TAFA1: variants seen among roughly 807,000 people sequenced by gnomAD.
TAFA1 encodes TAFA chemokine like family member 1, also known as chemokine-like protein TAFA-1.
In TAFA1, 4 loss-of-function variants were observed where a neutral mutation model predicts 18.5. The ratio of observed to expected loss-of-function variants is 0.22; its 90% CI spans 0.11 to 0.49. TAFA1 has a LOEUF of 0.49. Among genes scored for constraint, TAFA1 ranks in the 20% least tolerant of loss-of-function variants. The pLI is 0.98. For missense variants in TAFA1, 147 were observed against 169.0 expected (o/e 0.87, Z 0.72); for synonymous variants, 56 against 55.2 (o/e 1.01, Z -0.06).
At chr3:68,189,995 C>A (rs796085328) in intron 2 of TAFA1, among the ~76,000 whole-genome samples, 13 of 151,942 alleles carry the variant, frequency 8.6e-5, no homozygotes, top group African/African-American at 3.1e-4. Context: ...AGCTGGCAAG[C>A]CTCATAGATA....
At chr3:68,320,821 C>T (rs1268882866) in intron 2 of TAFA1, among the ~76,000 whole-genome samples, 1 of 152,160 alleles carries the variant, frequency 6.6e-6, no homozygotes, top group Admixed American at 6.5e-5. Flanking sequence ...GAATAGGCTG[C>T]ACCCCAGAGG....
intron 3 of TAFA1, among the ~76,000 whole-genome samples, chr3:68,491,118 C>T (rs1338541596): frequency 6.6e-6 from 1 of 152,174 alleles, no homozygotes; most frequent in Non-Finnish European, 1.5e-5. Context: ...GGATTACAGG[C>T]ATGACCCACT....
chr3:68,023,114 A>G (rs772354752), intron 2 of TAFA1, among the ~76,000 whole-genome samples: 2 of 151,944 alleles, frequency 1.3e-5, no homozygotes, highest in Non-Finnish European at 2.9e-5. Flanking sequence ...GTTATAGACT[A>G]CAACACAGAA....
At position 68,219,913 on chromosome 3, in the gene TAFA1, G is replaced by T. The variant is rs113094417; in HGVS notation, c.119-197367G>T. ...GTTATATGTTTGCAGATTATAGTTAGTTGCCAGAAAAAAATAGGAGACCTT... is the reference window on the plus strand; with the variant it reads ...GTTATATGTTTGCAGATTATAGTTATTTGCCAGAAAAAAATAGGAGACCTT... On this transcript the variant is annotated intron_variant, in intron 2 of 4. Coordinates refer to ENST00000478136, the MANE Select transcript of TAFA1 (RefSeq NM_213609.4). Among the ~76,000 whole-genome samples the T allele has an allele frequency of 4.2e-3, 644 of 152,142 alleles. 2 individuals carry two copies. The highest frequency in any genetic ancestry group is 0.015 in the African/African-American group (619 of 41,532).
intron 2 of TAFA1, among the ~76,000 whole-genome samples, chr3:68,303,155 TA>T (rs140554546): frequency 0.074 from 11,302 of 152,228 alleles, 704 homozygotes; most frequent in East Asian, 0.38. Context: ...AAAGTACTTT[TA>T]CTGTATAAAA....
intron 2 of TAFA1, among the ~76,000 whole-genome samples, chr3:68,365,349 T>C (rs980080966): frequency 2.0e-5 from 3 of 152,158 alleles, no homozygotes; most frequent in South Asian, 4.1e-4. Context: ...GGAATCAATA[T>C]TGGTACCCAG....
intron 2 of TAFA1, among the ~76,000 whole-genome samples, chr3:68,234,858 G>T (rs2066910301): frequency 6.6e-6 from 1 of 152,172 alleles, no homozygotes. Context: ...GGTGACTTTT[G>T]ATTCAAACAA....
At chr3:68,092,265 T>G (rs2065038535) in intron 2 of TAFA1, among the ~76,000 whole-genome samples, 2 of 152,138 alleles carry the variant, frequency 1.3e-5, no homozygotes, top group South Asian at 2.1e-4. Context: ...ACTTTATCCC[T>G]GATTGAACTG....
At chr3:68,439,491 C>G (rs2071334422) in intron 3 of TAFA1, among the ~76,000 whole-genome samples, 1 of 139,956 alleles carries the variant, frequency 7.1e-6, no homozygotes. Flanking sequence ...GGCCTTACAA[C>G]AGGCCATCTG....
At chr3:68,413,671 G>T (rs540970021) in intron 2 of TAFA1, among the ~76,000 whole-genome samples, 30 of 152,154 alleles carry the variant, frequency 2.0e-4, no homozygotes, top group African/African-American at 7.2e-4. Flanking sequence ...GGAAGAGTTT[G>T]ATTTCCAATG....
rs2073427010 is a variant in TAFA1, at chr3:68,544,569, A to G, written c.*66A>G. The G allele has an allele frequency of 2.7e-6, 4 of 1,507,756 alleles. No homozygotes were observed. In the Admixed American group the frequency reaches 5.1e-5, roughly 19 times the overall value. 93.4% of individuals were successfully genotyped at this position (1,507,756 alleles called of 1,614,324 possible). ...AAAATACATTTTGAGAATCTCAAAC[A>G]TCTCACATATATACAAGCCAAATGG... is the stretch of plus-strand genomic sequence containing the variant. On this transcript the variant is annotated 3_prime_UTR_variant, in exon 5 of 5. Transcript: ENST00000478136.
At chr3:68,348,963 A>G (rs187679774) in intron 2 of TAFA1, among the ~76,000 whole-genome samples, 135 of 151,930 alleles carry the variant, frequency 8.9e-4, no homozygotes, top group Non-Finnish European at 1.3e-3. Flanking sequence ...AAGGTGTAGA[A>G]GCTTTTTGCT....
At chr3:68,463,399 T>C (rs992570998) in intron 3 of TAFA1, among the ~76,000 whole-genome samples, 7 of 152,192 alleles carry the variant, frequency 4.6e-5, no homozygotes, top group African/African-American at 1.7e-4. Flanking sequence ...ATGCTGTCAC[T>C]TATAAGGTTT....
intron 2 of TAFA1, among the ~76,000 whole-genome samples, chr3:68,058,652 A>G (rs1293937339): frequency 1.3e-5 from 2 of 152,194 alleles, no homozygotes; most frequent in African/African-American, 4.8e-5. Context: ...TAAAGAAAAA[A>G]ATGTTCTTAA....
intron 2 of TAFA1, among the ~76,000 whole-genome samples, chr3:68,378,984 G>A (rs1025022297): frequency 9.2e-5 from 14 of 152,016 alleles, no homozygotes; most frequent in African/African-American, 2.4e-4. Context: ...ACCCAGTCTC[G>A]GGTATTTCTT....
At chr3:68,405,209 C>T (rs1188886279) in intron 2 of TAFA1, among the ~76,000 whole-genome samples, 1 of 151,852 alleles carries the variant, frequency 6.6e-6, no homozygotes, top group Non-Finnish European at 1.5e-5. Flanking sequence ...TATCTGTGAA[C>T]AATAATGGAA....
chr3:68,368,479 T>C (rs1437612130), intron 2 of TAFA1, among the ~76,000 whole-genome samples: 1 of 152,166 alleles, frequency 6.6e-6, no homozygotes, highest in African/African-American at 2.4e-5. Flanking sequence ...GTGGCCCATG[T>C]AGATAACATA....
intron 2 of TAFA1, among the ~76,000 whole-genome samples, chr3:68,043,004 C>A (rs1259107064): frequency 6.6e-6 from 1 of 152,118 alleles, no homozygotes; most frequent in Non-Finnish European, 1.5e-5. Context: ...TCTGCCTCAG[C>A]CTCCCAAGTA....
At position 68,455,723 on chromosome 3, in the gene TAFA1, G is replaced by C. The variant is rs182660504; in HGVS notation, c.259+38303G>C. 3.2e-4 allele frequency among the ~76,000 whole-genome samples: 48 copies of C among 152,112 alleles called. 1 individual carries two copies. Among genetic ancestry groups the C allele is most frequent in the African/African-American group, 1.0e-3 (42 of 41,512 alleles). ...TGATTGGCCCTGTCATGAATTCTGT[G>C]AAGTCATGTACAATATCTGGATACA... On this transcript the variant is annotated intron_variant, in intron 3 of 4. Transcript: ENST00000478136.
Sources: allele counts gnomAD v4.1 joint callset (sites outside exome capture counted in the v4.1 genomes callset), GRCh38; gene constraint gnomAD v4.1.1; transcripts MANE v1.5; gene names NCBI Gene and HGNC (gene_info 2026-07-23, HGNC 2026-07-21).